The following GLIS3 variants were observed in gnomAD, a reference collection of about 807,000 sequenced individuals.
GLIS3 encodes the protein zinc finger protein GLIS3.
GLIS3 carries 53 observed loss-of-function variants against 78.6 expected under a neutral mutation model. That is an observed-to-expected ratio of 0.67 (90% CI 0.54 to 0.85). The LOEUF is 0.85. GLIS3 is among the 40% of genes least tolerant of loss of function. GLIS3 has a pLI of 0.00. For missense variants in GLIS3, 1,703 were observed against 1,231.1 expected (o/e 1.38, Z -5.74); for synonymous variants, 684 against 509.9 (o/e 1.34, Z -4.60).
chr9:3,928,198 G>A (rs1825379444), intron 6 of GLIS3, among the ~76,000 whole-genome samples: 1 of 152,210 alleles, frequency 6.6e-6, no homozygotes, highest in African/African-American at 2.4e-5. Context: ...GGAAGAGGTG[G>A]ACTAGTTCAT....
chr9:4,443,931 A>G, the GLIS3 span, among the ~76,000 whole-genome samples: 1 of 152,208 alleles, frequency 6.6e-6, no homozygotes, highest in Admixed American at 6.5e-5. Context: ...GTGTGTCTCT[A>G]TCTACTGGCC....
chr9:4,065,027 G>C (rs1826975979), intron 4 of GLIS3, among the ~76,000 whole-genome samples: 1 of 152,132 alleles, frequency 6.6e-6, no homozygotes, highest in Non-Finnish European at 1.5e-5. Context: ...TTTTAGAAAA[G>C]GGAAAAAGTT....
At chr9:4,429,747 C>A in the GLIS3 span, among the ~76,000 whole-genome samples, 1 of 152,016 alleles carries the variant, frequency 6.6e-6, no homozygotes, top group Non-Finnish European at 1.5e-5. Context: ...AAGTGCTCAA[C>A]GTAATTTAAA....
the GLIS3 span, among the ~76,000 whole-genome samples, chr9:4,469,158 G>C: frequency 3.9e-5 from 6 of 152,154 alleles, no homozygotes; most frequent in Non-Finnish European, 8.8e-5. Context: ...GACCTAGAAA[G>C]AGACTTAGAC....
At chr9:4,257,184 T>A (rs184200115) in intron 2 of GLIS3, among the ~76,000 whole-genome samples, 2 of 152,178 alleles carry the variant, frequency 1.3e-5, no homozygotes, top group Non-Finnish European at 2.9e-5. Flanking sequence ...GATACTGCCA[T>A]TTATGACAAT....
At chr9:4,393,637 G>A in the GLIS3 span, among the ~76,000 whole-genome samples, 1 of 152,140 alleles carries the variant, frequency 6.6e-6, no homozygotes, top group African/African-American at 2.4e-5. Context: ...TTAAAAGCCA[G>A]TTATTTTGTA....
At chr9:4,379,089 C>G in the GLIS3 span, among the ~76,000 whole-genome samples, 1 of 152,158 alleles carries the variant, frequency 6.6e-6, no homozygotes, top group Non-Finnish European at 1.5e-5. Context: ...TCGGCCGTGT[C>G]GTTATGTTAT....
intron 3 of GLIS3, among the ~76,000 whole-genome samples, chr9:4,120,282 G>A (rs1258020446): frequency 2.0e-5 from 3 of 152,148 alleles, no homozygotes; most frequent in African/African-American, 7.2e-5. Flanking sequence ...GCTCCAAAAT[G>A]CACAGTACAA....
At chr9:3,912,529 G>A (rs1824223555) in intron 6 of GLIS3, among the ~76,000 whole-genome samples, 1 of 152,176 alleles carries the variant, frequency 6.6e-6, no homozygotes, top group Non-Finnish European at 1.5e-5. Context: ...GACAGAGTTG[G>A]GGAGCTGAGG....
At chr9:3,860,272 CAAAAAAAAAAAAAAAAAAAA>C (rs59923144) in intron 8 of GLIS3, among the ~76,000 whole-genome samples, 2 of 53,608 alleles carry the variant, frequency 3.7e-5, no homozygotes, top group East Asian at 6.6e-4. Context: ...AAGACTCTGT[CAAAAAAAAAAAAAAAAAAAA>C]AAAAAAAAAA....
chr9:4,022,853 G>C (rs533975217), intron 4 of GLIS3, among the ~76,000 whole-genome samples: 16 of 152,176 alleles, frequency 1.1e-4, no homozygotes, highest in African/African-American at 1.9e-4. Flanking sequence ...ATTTATTCTA[G>C]AAAATGCAAA....
chr9:4,383,792 A>C, the GLIS3 span, among the ~76,000 whole-genome samples: 1 of 152,234 alleles, frequency 6.6e-6, no homozygotes, highest in African/African-American at 2.4e-5. Context: ...GTGTTGATTG[A>C]CCACAAACTT....
At chr9:3,957,543 C>A (rs1817214419) in intron 4 of GLIS3, among the ~76,000 whole-genome samples, 1 of 152,158 alleles carries the variant, frequency 6.6e-6, no homozygotes, top group Non-Finnish European at 1.5e-5. Flanking sequence ...GGATATACCA[C>A]CAGGGCAGTA....
chr9:4,268,482 T>C (rs1015690867), intron 2 of GLIS3, among the ~76,000 whole-genome samples: 9 of 152,228 alleles, frequency 5.9e-5, no homozygotes, highest in Non-Finnish European at 4.4e-5. Context: ...TTTTCAAATA[T>C]ACCAGCTTCA....
chr9:3,976,521 C>A (rs1040362242), intron 4 of GLIS3, among the ~76,000 whole-genome samples: 13 of 151,690 alleles, frequency 8.6e-5, no homozygotes, highest in African/African-American at 2.9e-4. Flanking sequence ...TAACTCCTTC[C>A]CCTTTCTAAG....
chr9:4,015,956 A>T (rs984709616), intron 4 of GLIS3, among the ~76,000 whole-genome samples: 1 of 152,018 alleles, frequency 6.6e-6, no homozygotes, highest in African/African-American at 2.4e-5. Context: ...TGGCCGTCAT[A>T]AATAGGAATT....
chr9:4,213,532 T>C (rs1456065452), intron 2 of GLIS3, among the ~76,000 whole-genome samples: 1 of 152,242 alleles, frequency 6.6e-6, no homozygotes, highest in Non-Finnish European at 1.5e-5. Flanking sequence ...GCACTTGAAA[T>C]GTGGCTAGTG....
At chr9:4,059,791 T>G (rs1826469881) in intron 4 of GLIS3, among the ~76,000 whole-genome samples, 1 of 148,910 alleles carries the variant, frequency 6.7e-6, no homozygotes, top group African/African-American at 2.5e-5. Context: ...GCTTGTCACT[T>G]ACTCAGCTTT....
At chr9:4,073,978 C>A (rs891597937) in intron 4 of GLIS3, among the ~76,000 whole-genome samples, 1 of 152,156 alleles carries the variant, frequency 6.6e-6, no homozygotes, top group Admixed American at 6.5e-5. Context: ...GGCCATCATA[C>A]GAACTGAGAG....
Sources: allele counts gnomAD v4.1 joint callset (sites outside exome capture counted in the v4.1 genomes callset), GRCh38; gene constraint gnomAD v4.1.1; transcripts MANE v1.5; gene names NCBI Gene and HGNC (gene_info 2026-07-23, HGNC 2026-07-21).